The following CERS6 variants were observed in gnomAD, a reference collection of about 807,000 sequenced individuals.
CERS6 encodes ceramide synthase 6.
Under a neutral mutation model 56.8 loss-of-function variants are expected in CERS6, and 26 were observed. That is an observed-to-expected ratio of 0.46 (90% CI 0.34 to 0.63). CERS6 has a LOEUF of 0.63. CERS6 is among the 30% of genes least tolerant of loss of function. CERS6 has a pLI of 0.01. For missense variants in CERS6, 415 were observed against 467.5 expected (o/e 0.89, Z 1.04); for synonymous variants, 164 against 173.3 (o/e 0.95, Z 0.42).
chr2:168,550,970 A>C (rs1289530247), intron 2 of CERS6, among the ~76,000 whole-genome samples: 3 of 152,222 alleles, frequency 2.0e-5, no homozygotes, highest in Non-Finnish European at 4.4e-5. Context: ...CTGGGCAACC[A>C]CACACACATT....
intron 6 of CERS6, among the ~76,000 whole-genome samples, chr2:168,696,044 A>G (rs1349391329): frequency 6.6e-6 from 1 of 152,196 alleles, no homozygotes; most frequent in Non-Finnish European, 1.5e-5. Flanking sequence ...TAATGCAAAC[A>G]TTCCGAAATC....
chr2:168,629,131 T>C (rs543118150), intron 3 of CERS6, among the ~76,000 whole-genome samples: 6 of 152,300 alleles, frequency 3.9e-5, no homozygotes, highest in Admixed American at 1.3e-4. Context: ...GCATCAGTAT[T>C]CCTATAATAG....
chr2:168,649,457 A>G (rs1685288524), intron 4 of CERS6, among the ~76,000 whole-genome samples: 1 of 152,160 alleles, frequency 6.6e-6, no homozygotes. Context: ...TATTTATGGC[A>G]GGAGATGGGA....
At chr2:168,768,301 C>T (rs1559086765) in intron 9 of CERS6, among the ~76,000 whole-genome samples, 1 of 151,618 alleles carries the variant, frequency 6.6e-6, no homozygotes, top group Admixed American at 6.6e-5. Flanking sequence ...GCGATCTTGG[C>T]TCACCGCAAC....
At chr2:168,525,948 G>T (rs1399213977) in intron 1 of CERS6, among the ~76,000 whole-genome samples, 1 of 151,988 alleles carries the variant, frequency 6.6e-6, no homozygotes, top group Non-Finnish European at 1.5e-5. Flanking sequence ...TTGCACATTT[G>T]GTTATTTCTC....
intron 4 of CERS6, among the ~76,000 whole-genome samples, chr2:168,650,508 T>C (rs901255649): frequency 6.6e-6 from 1 of 152,192 alleles, no homozygotes; most frequent in Non-Finnish European, 1.5e-5. Flanking sequence ...ATTCCTTCTT[T>C]AAATGAAATA....
chr2:168,628,777 A>G (rs1193054005), intron 3 of CERS6, among the ~76,000 whole-genome samples: 1 of 152,182 alleles, frequency 6.6e-6, no homozygotes, highest in African/African-American at 2.4e-5. Context: ...AAGGCTTGTG[A>G]CTTTTCACTG....
At chr2:168,583,569 CA>C (rs1419788123) in intron 3 of CERS6, among the ~76,000 whole-genome samples, 6 of 152,138 alleles carry the variant, frequency 3.9e-5, no homozygotes, top group Non-Finnish European at 7.4e-5. Context: ...GGTCTTAGAC[CA>C]AACCAGTCAT....
intron 4 of CERS6, among the ~76,000 whole-genome samples, chr2:168,675,446 C>T (rs1324930593): frequency 6.6e-6 from 1 of 151,886 alleles, no homozygotes; most frequent in Admixed American, 6.5e-5. Flanking sequence ...ATTAGCTGGG[C>T]ATGGTGGCAT....
rs966830856 is a variant in CERS6 at position 168,771,819 on chromosome 2, C to T, written c.*2157C>T. 4 of 152,062 alleles carry T rather than the reference C, an allele frequency of 2.6e-5. No individual in the cohort carries two copies. Among genetic ancestry groups the T allele is most frequent in the African/African-American group, 4.8e-5 (2 of 41,406 alleles). The allele number at this position is 152,062 out of a possible 1,614,324, so 9.4% of individuals were successfully genotyped here. A position where few individuals can be genotyped will look rare whatever the true frequency, so the allele number is the denominator to read the frequency against. ...AAAGGTTTAGAAGAATTGCATAAAA[C>T]GTAGTAAATGGGGTCTGTCATTAGC... On this transcript the variant is annotated 3_prime_UTR_variant, in exon 10 of 10. Coordinates refer to ENST00000305747, the MANE Select transcript of CERS6 (RefSeq NM_203463.3).
At chr2:168,706,139 G>A (rs1249975775) in intron 6 of CERS6, among the ~76,000 whole-genome samples, 2 of 152,192 alleles carry the variant, frequency 1.3e-5, no homozygotes, top group Non-Finnish European at 2.9e-5. Context: ...TCATTTGAAA[G>A]CAGAGTGTAT....
At chr2:168,721,554 G>GTTT (rs5836196) in intron 8 of CERS6, among the ~76,000 whole-genome samples, 5 of 77,364 alleles carry the variant, frequency 6.5e-5, no homozygotes, top group Non-Finnish European at 7.6e-5. Context: ...TTTTGTTTTT[G>GTTT]TTTTTTTTTT....
chr2:168,532,694 C>G (rs2105363393), intron 1 of CERS6, among the ~76,000 whole-genome samples: 1 of 152,190 alleles, frequency 6.6e-6, no homozygotes, highest in Admixed American at 6.5e-5. Context: ...CTATTTTTAA[C>G]AATACTTACT....
At chr2:168,659,354 T>C (rs1261767457) in intron 4 of CERS6, among the ~76,000 whole-genome samples, 1 of 152,248 alleles carries the variant, frequency 6.6e-6, no homozygotes, top group African/African-American at 2.4e-5. Flanking sequence ...CCTCACACGA[T>C]TTCCTACCCC....
At chr2:168,547,991 A>G (rs1432065983) in intron 2 of CERS6, among the ~76,000 whole-genome samples, 1 of 152,182 alleles carries the variant, frequency 6.6e-6, no homozygotes, top group Admixed American at 6.5e-5. Context: ...GTGAAGCAAG[A>G]TGTGACTAGA....
At chr2:168,565,169 A>C (rs1038203071) in intron 3 of CERS6, among the ~76,000 whole-genome samples, 2 of 152,220 alleles carry the variant, frequency 1.3e-5, no homozygotes, top group African/African-American at 2.4e-5. Flanking sequence ...GTGAGGGATA[A>C]AGTAGAATTA....
At chr2:168,622,280 AT>A (rs956107653) in intron 3 of CERS6, among the ~76,000 whole-genome samples, 3 of 152,000 alleles carry the variant, frequency 2.0e-5, no homozygotes, top group Admixed American at 6.5e-5. Context: ...TCACAAAAAA[AT>A]CTAATAATGT....
intron 1 of CERS6, among the ~76,000 whole-genome samples, chr2:168,479,861 G>T (rs757872224): frequency 3.3e-5 from 5 of 152,162 alleles, no homozygotes; most frequent in Non-Finnish European, 7.3e-5. Flanking sequence ...GCCCGCCTCG[G>T]TCTCCCAAAG....
intron 4 of CERS6, among the ~76,000 whole-genome samples, chr2:168,657,077 A>G (rs957578364): frequency 6.6e-5 from 10 of 151,984 alleles, no homozygotes; most frequent in African/African-American, 9.7e-5. Flanking sequence ...TGTATTTACA[A>G]TCCTTGAGCT....
Sources: gnomAD v4.1 joint callset for allele counts (sites outside exome capture counted in the v4.1 genomes callset) on GRCh38, gnomAD v4.1.1 for gene constraint, MANE v1.5 for transcripts, NCBI Gene and HGNC (gene_info 2026-07-23, HGNC 2026-07-21) for gene names.